Variants in RASAL2 observed in about 807,000 individuals in gnomAD.
RASAL2 encodes the protein RAS protein activator like 2, also known as ras GTPase-activating protein nGAP.
In RASAL2, 58 loss-of-function variants were observed where a neutral mutation model predicts 128.9. That is an observed-to-expected ratio of 0.45 (90% CI 0.36 to 0.56). The LOEUF (loss-of-function observed/expected upper bound fraction) is 0.56, where lower values mean the gene tolerates loss of function less well. Ranked by LOEUF, RASAL2 falls within the 20% of genes least tolerant of loss-of-function variation. RASAL2 has a pLI of 0.00. For synonymous variants in RASAL2, 561 were observed against 580.8 expected, an observed-to-expected ratio of 0.97 and a Z score of 0.49; for missense variants, 1,360 against 1,601.6, an observed-to-expected ratio of 0.85 and a Z score of 2.57.
intron 1 of RASAL2, among the ~76,000 whole-genome samples, chr1:178,110,571 C>T (rs559825564): frequency 2.1e-5 from 3 of 142,858 alleles, no homozygotes; most frequent in East Asian, 2.0e-4. Context: ...GTATATATAG[C>T]ATATGTAGTA....
intron 1 of RASAL2, among the ~76,000 whole-genome samples, chr1:178,131,610 G>A (rs1660120738): frequency 6.6e-6 from 1 of 151,984 alleles, no homozygotes; most frequent in Non-Finnish European, 1.5e-5. Context: ...CAAGGTGGTG[G>A]TGGTTTTTCC....
chr1:178,151,337 G>A (rs1039216363), intron 1 of RASAL2, among the ~76,000 whole-genome samples: 5 of 152,040 alleles, frequency 3.3e-5, no homozygotes, highest in South Asian at 2.1e-4. Context: ...CCCAGTAAAC[G>A]GAGGTTGCAG....
chr1:178,221,179 T>C (rs554600067), intron 1 of RASAL2, among the ~76,000 whole-genome samples: 188 of 152,322 alleles, frequency 1.2e-3, no homozygotes, highest in African/African-American at 4.4e-3. Flanking sequence ...TGAAATACTT[T>C]GTGGAGCATC....
chr1:178,408,756 T>C (rs572364194), intron 4 of RASAL2, among the ~76,000 whole-genome samples: 14 of 152,224 alleles, frequency 9.2e-5, no homozygotes, highest in African/African-American at 3.4e-4. Context: ...ATAAGTTATG[T>C]TATAGTACTT....
chr1:178,331,838 C>T (rs1247449285), intron 3 of RASAL2, among the ~76,000 whole-genome samples: 6 of 152,032 alleles, frequency 3.9e-5, no homozygotes, highest in South Asian at 2.1e-4. Flanking sequence ...CCGCCTGCCT[C>T]GGCCTCCCAA....
intron 1 of RASAL2, among the ~76,000 whole-genome samples, chr1:178,204,362 A>G (rs1662971728): frequency 6.6e-6 from 1 of 152,126 alleles, no homozygotes; most frequent in Admixed American, 6.6e-5. Context: ...GTTAATATTG[A>G]TGGTTAATAC....
chr1:178,319,902 G>GT (rs1215144880), intron 3 of RASAL2, among the ~76,000 whole-genome samples: 11 of 152,314 alleles, frequency 7.2e-5, no homozygotes, highest in African/African-American at 2.4e-4. Flanking sequence ...TTTCTGTTCC[G>GT]TTTTTTCTCC....
intron 1 of RASAL2, among the ~76,000 whole-genome samples, chr1:178,117,118 T>C (rs1003425799): frequency 6.6e-6 from 1 of 152,220 alleles, no homozygotes; most frequent in African/African-American, 2.4e-5. Context: ...AGAACACTTA[T>C]TAAGACATTG....
chr1:178,229,501 G>T (rs1425929742), intron 1 of RASAL2, among the ~76,000 whole-genome samples: 1 of 151,570 alleles, frequency 6.6e-6, no homozygotes, highest in Admixed American at 6.6e-5. Context: ...ATTGGGAGGG[G>T]GTACCAGTCT....
intron 1 of RASAL2, among the ~76,000 whole-genome samples, chr1:178,168,314 A>G: frequency 6.6e-6 from 1 of 151,046 alleles, no homozygotes; most frequent in East Asian, 1.9e-4. Context: ...ATAGTATTTT[A>G]TGACTGCACA....
chr1:178,298,589 G>C (rs900539824), intron 2 of RASAL2, among the ~76,000 whole-genome samples: 1 of 152,104 alleles, frequency 6.6e-6, no homozygotes, highest in Non-Finnish European at 1.5e-5. Context: ...GCCTATACCT[G>C]TCCTACTTTT....
intron 3 of RASAL2, among the ~76,000 whole-genome samples, chr1:178,302,763 C>G (rs751287633): frequency 6.6e-6 from 1 of 152,042 alleles, no homozygotes; most frequent in Non-Finnish European, 1.5e-5. Context: ...TATAATAGGC[C>G]GGGCGCAGTG....
chr1:178,384,324 A>ATAGG (rs1472492562), intron 3 of RASAL2, among the ~76,000 whole-genome samples: 1 of 152,192 alleles, frequency 6.6e-6, no homozygotes, highest in African/African-American at 2.4e-5. Flanking sequence ...AATTAAAGCT[A>ATAGG]TAAATATCTT....
At chr1:178,302,755 T>C (rs1341314195) in intron 3 of RASAL2, among the ~76,000 whole-genome samples, 1 of 152,096 alleles carries the variant, frequency 6.6e-6, no homozygotes, top group Non-Finnish European at 1.5e-5. Context: ...TTAAAAAGTA[T>C]AATAGGCCGG....
At chr1:178,407,545 C>T (rs1481554977) in intron 4 of RASAL2, among the ~76,000 whole-genome samples, 1 of 152,088 alleles carries the variant, frequency 6.6e-6, no homozygotes, top group Non-Finnish European at 1.5e-5. Flanking sequence ...ACAATTCTCA[C>T]CTGGGTCCTT....
intron 1 of RASAL2, among the ~76,000 whole-genome samples, chr1:178,223,226 G>A (rs532035319): frequency 9.9e-5 from 15 of 152,258 alleles, no homozygotes; most frequent in Middle Eastern, 6.8e-3. Context: ...AGCCTAGTGG[G>A]TAAAACAGGC....
At chr1:178,180,824 A>G (rs1017389764) in intron 1 of RASAL2, among the ~76,000 whole-genome samples, 28 of 152,244 alleles carry the variant, frequency 1.8e-4, no homozygotes, top group Non-Finnish European at 3.2e-4. Context: ...TTACTTAAAA[A>G]AAAAAACCCA....
intron 1 of RASAL2, among the ~76,000 whole-genome samples, chr1:178,179,096 G>A (rs568050023): frequency 6.6e-6 from 1 of 152,266 alleles, no homozygotes; most frequent in African/African-American, 2.4e-5. Context: ...TGAGAGAGGT[G>A]GAAACTGAAG....
At chr1:178,193,970 G>C (rs1379746886) in intron 1 of RASAL2, among the ~76,000 whole-genome samples, 1 of 152,174 alleles carries the variant, frequency 6.6e-6, no homozygotes, top group Admixed American at 6.5e-5. Flanking sequence ...CTATCACTGT[G>C]ATGTATGGTC....
Sources: allele counts gnomAD v4.1 joint callset (sites outside exome capture counted in the v4.1 genomes callset), GRCh38; gene constraint gnomAD v4.1.1; transcripts MANE v1.5; gene names NCBI Gene and HGNC (gene_info 2026-07-23, HGNC 2026-07-21).